The following KCND2 variants were observed in gnomAD, a reference collection of about 807,000 sequenced individuals.
The protein encoded by KCND2 is potassium voltage-gated channel subfamily D member 2.
Under a neutral mutation model 54.4 loss-of-function variants are expected in KCND2, and 16 were observed. The ratio of observed to expected loss-of-function variants is 0.29; its 90% CI spans 0.20 to 0.45. The LOEUF (loss-of-function observed/expected upper bound fraction) is 0.45. KCND2 is among the 20% of genes least tolerant of loss of function. The pLI is 1.00. For synonymous variants in KCND2, 317 were observed against 310.7 expected (o/e 1.02, Z -0.21); for missense variants, 486 against 824.2 (o/e 0.59, Z 5.02).
In KCND2 at chr7:120,388,696, A is replaced by G. The variant is rs1302147146; in HGVS notation, c.1115+112949A>G. ...CAGATGAACTAGAACCGAGCTCCCC[A>G]TGTGGGCATCCATGGGCTATGTGTA... On this transcript the variant is annotated intron_variant, in intron 1 of 5. Transcript: ENST00000331113. 3.9e-5 allele frequency among the ~76,000 whole-genome samples: 6 copies of G among 152,100 alleles called. No homozygotes were observed. In the East Asian group the frequency reaches 5.8e-4, roughly 15 times the overall value.
chr7:120,321,657 G>A (rs1584729182), intron 1 of KCND2, among the ~76,000 whole-genome samples: 1 of 151,990 alleles, frequency 6.6e-6, no homozygotes, highest in East Asian at 1.9e-4. Flanking sequence ...TGCCTAGCAT[G>A]GAATATACAC....
At chr7:120,510,293 C>T (rs1196795547) in intron 1 of KCND2, among the ~76,000 whole-genome samples, 2 of 152,068 alleles carry the variant, frequency 1.3e-5, no homozygotes, top group Non-Finnish European at 2.9e-5. Flanking sequence ...CTACTATTAG[C>T]TAAATTGTAG....
intron 1 of KCND2, among the ~76,000 whole-genome samples, chr7:120,343,178 C>A (rs1472335031): frequency 6.6e-6 from 1 of 152,098 alleles, no homozygotes; most frequent in Non-Finnish European, 1.5e-5. Flanking sequence ...GACTAGTCAA[C>A]TTTGTGGGCC....
intron 1 of KCND2, among the ~76,000 whole-genome samples, chr7:120,595,589 G>GTATATA (rs1358227121): frequency 1.2e-4 from 5 of 40,426 alleles, no homozygotes; most frequent in East Asian, 3.3e-4. Context: ...ATGTGTGTGT[G>GTATATA]TGTATATATA....
intron 1 of KCND2, among the ~76,000 whole-genome samples, chr7:120,298,568 T>TA (rs955478617): frequency 1.3e-5 from 2 of 152,200 alleles, no homozygotes; most frequent in Non-Finnish European, 2.9e-5. Flanking sequence ...TAATAATCTC[T>TA]AAAAATAAGT....
chr7:120,414,630 G>A (rs532036956), intron 1 of KCND2, among the ~76,000 whole-genome samples: 3 of 152,158 alleles, frequency 2.0e-5, no homozygotes, highest in Admixed American at 1.3e-4. Flanking sequence ...TGTCATCTCC[G>A]CAAATCACTA....
chr7:120,556,059 C>T (rs180928812), intron 1 of KCND2, among the ~76,000 whole-genome samples: 1 of 152,236 alleles, frequency 6.6e-6, no homozygotes, highest in East Asian at 1.9e-4. Flanking sequence ...GAATTCTTGA[C>T]ACATGTAAGT....
At chr7:120,363,333 A>C (rs1424805120) in intron 1 of KCND2, among the ~76,000 whole-genome samples, 1 of 152,032 alleles carries the variant, frequency 6.6e-6, no homozygotes, top group Non-Finnish European at 1.5e-5. Context: ...ATGTCTAAGA[A>C]TCTCTCAAAC....
At chr7:120,696,366 G>A (rs945779787) in intron 1 of KCND2, among the ~76,000 whole-genome samples, 4 of 152,134 alleles carry the variant, frequency 2.6e-5, no homozygotes, top group Non-Finnish European at 4.4e-5. Context: ...TGGCCAATTA[G>A]GAGTGTCCTT....
At chr7:120,371,795 G>A (rs948252662) in intron 1 of KCND2, among the ~76,000 whole-genome samples, 9 of 151,826 alleles carry the variant, frequency 5.9e-5, no homozygotes, top group Non-Finnish European at 4.4e-5. Context: ...TGTAGCCTAG[G>A]AGCAATAGGC....
Position 120,275,139 on chromosome 7 carries a change from G to A in KCND2, c.507G>A (p.Gln169=), listed in dbSNP as rs1584706532. 6.2e-7 allele frequency: 1 copy of A among 1,613,990 alleles called. No homozygotes were observed. Among genetic ancestry groups the A allele is most frequent in the East Asian group, 2.2e-5 (1 of 44,826 alleles). ...CCTTGCCCACCATGACTGCAAGGCA[G>A]AGGGTCTGGAGGGCCTTCGAGAACC... is the stretch of plus-strand genomic sequence containing the variant. The part of the protein sequence containing the change: ...ESALPTMTAR[Q]RVWRAFENPH... The change falls in exon 1 of 6, where the codon CAG becomes CAA. Residue 169 remains glutamine (Q), a synonymous_variant. Coordinates refer to ENST00000331113, the MANE Select transcript of KCND2 (RefSeq NM_012281.3).
chr7:120,566,399 G>A (rs759620135), intron 1 of KCND2, among the ~76,000 whole-genome samples: 6 of 152,028 alleles, frequency 3.9e-5, no homozygotes, highest in Non-Finnish European at 5.9e-5. Flanking sequence ...TAGTGCAGTG[G>A]CACAATCGTG....
intron 1 of KCND2, among the ~76,000 whole-genome samples, chr7:120,680,079 A>T (rs946885655): frequency 6.6e-6 from 1 of 152,144 alleles, no homozygotes; most frequent in Admixed American, 6.6e-5. Context: ...GTTGTCACCT[A>T]CAAGACAATC....
chr7:120,359,843 A>G (rs1421193618), intron 1 of KCND2, among the ~76,000 whole-genome samples: 1 of 152,152 alleles, frequency 6.6e-6, no homozygotes, highest in Admixed American at 6.6e-5. Context: ...GTGAGTTCTC[A>G]TGAGATCTGA....
intron 1 of KCND2, among the ~76,000 whole-genome samples, chr7:120,437,562 A>T (rs1801886639): frequency 6.6e-6 from 1 of 151,238 alleles, no homozygotes; most frequent in East Asian, 2.0e-4. Context: ...TAAAAAAAAA[A>T]GATACTAAGT....
chr7:120,684,331 T>C (rs1792175347), intron 1 of KCND2, among the ~76,000 whole-genome samples: 1 of 152,180 alleles, frequency 6.6e-6, no homozygotes, highest in African/African-American at 2.4e-5. Context: ...TTAGAAGTTA[T>C]TTTCAATGAA....
intron 1 of KCND2, among the ~76,000 whole-genome samples, chr7:120,537,158 T>A (rs1413718277): frequency 6.6e-6 from 1 of 152,184 alleles, no homozygotes; most frequent in Non-Finnish European, 1.5e-5. Context: ...AGGATACATG[T>A]TACGTTAGCA....
intron 1 of KCND2, among the ~76,000 whole-genome samples, chr7:120,395,463 T>C (rs1801140157): frequency 6.6e-6 from 1 of 151,982 alleles, no homozygotes; most frequent in African/African-American, 2.4e-5. Flanking sequence ...ACTCAAATTT[T>C]ATACAAAATT....
chr7:120,564,416 TTAC>T (rs1205211229), intron 1 of KCND2, among the ~76,000 whole-genome samples: 1 of 152,172 alleles, frequency 6.6e-6, no homozygotes, highest in Non-Finnish European at 1.5e-5. Flanking sequence ...TACTGACTAG[TTAC>T]TAAGAGTTTG....
Sources: gnomAD v4.1 joint callset for allele counts (sites outside exome capture counted in the v4.1 genomes callset) on GRCh38, gnomAD v4.1.1 for gene constraint, MANE v1.5 for transcripts, NCBI Gene and HGNC (gene_info 2026-07-23, HGNC 2026-07-21) for gene names.